GABRB1: variants seen among roughly 807,000 people sequenced by gnomAD.
The protein encoded by GABRB1 is gamma-aminobutyric acid receptor subunit beta-1.
In GABRB1, 17 loss-of-function variants were observed where a neutral mutation model predicts 51.6. That is an observed-to-expected ratio of 0.33 (90% CI 0.23 to 0.49). The LOEUF is 0.49. Among genes scored for constraint, GABRB1 ranks in the 20% least tolerant of loss-of-function variants. The pLI, the probability that GABRB1 is intolerant of heterozygous loss-of-function variation, is 0.99. For synonymous variants in GABRB1, 247 were observed against 218.9 expected, an observed-to-expected ratio of 1.13 and a Z score of -1.14; for missense variants, 410 against 600.6, an observed-to-expected ratio of 0.68 and a Z score of 3.32.
At chr4:47,077,979 A>ATATATATTATATATATATTTT (rs1560523738) in intron 3 of GABRB1, among the ~76,000 whole-genome samples, 1 of 37,876 alleles carries the variant, frequency 2.6e-5, no homozygotes, top group African/African-American at 1.3e-4. Flanking sequence ...TTTTATATAT[A>ATATATATTATATATATATTTT]ATATATAATA....
chr4:47,034,573 T>C (rs942295325), intron 3 of GABRB1, among the ~76,000 whole-genome samples: 2 of 152,140 alleles, frequency 1.3e-5, no homozygotes, highest in African/African-American at 4.8e-5. Context: ...GATTAGAAAA[T>C]AGAAACCACT....
intron 3 of GABRB1, among the ~76,000 whole-genome samples, chr4:47,129,195 C>A (rs1387385939): frequency 6.6e-6 from 1 of 151,998 alleles, no homozygotes; most frequent in Admixed American, 6.6e-5. Context: ...TAATATATTG[C>A]ACAATCTTTG....
intron 1 of GABRB1, among the ~76,000 whole-genome samples, chr4:47,017,916 T>C (rs935765543): frequency 1.1e-4 from 17 of 152,222 alleles, no homozygotes; most frequent in Admixed American, 7.9e-4. Context: ...TTTTCAGATT[T>C]GAATTATTGA....
chr4:47,250,191 A>G (rs1405998377), intron 4 of GABRB1, among the ~76,000 whole-genome samples: 1 of 152,066 alleles, frequency 6.6e-6, no homozygotes, highest in Non-Finnish European at 1.5e-5. Flanking sequence ...AAAAGATTGT[A>G]TCTTTCCTTC....
chr4:47,129,503 G>T (rs977193276), intron 3 of GABRB1, among the ~76,000 whole-genome samples: 1 of 152,182 alleles, frequency 6.6e-6, no homozygotes, highest in African/African-American at 2.4e-5. Flanking sequence ...GCCAGGCACT[G>T]TAGTTACCTA....
chr4:47,086,189 T>C (rs1221654802), intron 3 of GABRB1, among the ~76,000 whole-genome samples: 1 of 152,214 alleles, frequency 6.6e-6, no homozygotes, highest in Non-Finnish European at 1.5e-5. Flanking sequence ...GAAAATAGTA[T>C]GGAGAGTTTT....
chr4:47,272,556 A>AT (rs1722914493), intron 4 of GABRB1, among the ~76,000 whole-genome samples: 1 of 152,148 alleles, frequency 6.6e-6, no homozygotes, highest in African/African-American at 2.4e-5. Flanking sequence ...ATAACTGGTA[A>AT]TTACAGAAAT....
At chr4:47,108,751 G>C (rs757255403) in intron 3 of GABRB1, among the ~76,000 whole-genome samples, 2 of 151,972 alleles carry the variant, frequency 1.3e-5, no homozygotes, top group Non-Finnish European at 2.9e-5. Context: ...CTGCATCCTA[G>C]GTGTTACCTT....
intron 5 of GABRB1, among the ~76,000 whole-genome samples, chr4:47,367,512 C>G (rs1727020056): frequency 6.6e-6 from 1 of 152,082 alleles, no homozygotes; most frequent in Non-Finnish European, 1.5e-5. Flanking sequence ...TTCGACTACC[C>G]CAAAAAGAAA....
intron 5 of GABRB1, among the ~76,000 whole-genome samples, chr4:47,357,564 G>T (rs1726633153): frequency 6.6e-6 from 1 of 152,200 alleles, no homozygotes; most frequent in African/African-American, 2.4e-5. Flanking sequence ...CATTGCAAAT[G>T]TCAAATTGGA....
chr4:47,321,716 A>AT (rs1224649686), intron 5 of GABRB1, among the ~76,000 whole-genome samples: 5 of 152,208 alleles, frequency 3.3e-5, no homozygotes, highest in African/African-American at 1.2e-4. Context: ...AGGATAACTC[A>AT]TGGATTTCCC....
chr4:47,280,090 T>C (rs546830926), intron 4 of GABRB1, among the ~76,000 whole-genome samples: 5 of 152,218 alleles, frequency 3.3e-5, no homozygotes, highest in Admixed American at 2.0e-4. Flanking sequence ...CTTTCTTTCT[T>C]GATGTCTTCC....
At chr4:47,191,916 G>A (rs529140825) in intron 4 of GABRB1, among the ~76,000 whole-genome samples, 3 of 152,046 alleles carry the variant, frequency 2.0e-5, no homozygotes, top group South Asian at 2.1e-4. Context: ...ATTATCTCCC[G>A]CCCTCTGCAG....
chr4:47,277,832 A>C (rs1415281108), intron 4 of GABRB1, among the ~76,000 whole-genome samples: 9 of 152,062 alleles, frequency 5.9e-5, no homozygotes, highest in East Asian at 1.9e-4. Flanking sequence ...TATTTGATAC[A>C]TTACTTTAAA....
At chr4:47,073,794 T>C (rs1727439503) in intron 3 of GABRB1, among the ~76,000 whole-genome samples, 1 of 152,158 alleles carries the variant, frequency 6.6e-6, no homozygotes, top group Non-Finnish European at 1.5e-5. Context: ...GGAGGCCCTA[T>C]GCCACAGAGA....
chr4:47,041,475 G>A (rs189765594), intron 3 of GABRB1, among the ~76,000 whole-genome samples: 1 of 152,236 alleles, frequency 6.6e-6, no homozygotes, highest in Admixed American at 6.5e-5. Context: ...CTACTGAAAA[G>A]AGTATGGATG....
At chr4:47,193,791 A>G (rs1373907445) in intron 4 of GABRB1, among the ~76,000 whole-genome samples, 1 of 152,216 alleles carries the variant, frequency 6.6e-6, no homozygotes, top group Admixed American at 6.5e-5. Context: ...ATGGATTTAA[A>G]GGTAAATTAA....
chr4:47,083,611 C>T (rs765467098), intron 3 of GABRB1, among the ~76,000 whole-genome samples: 32 of 152,162 alleles, frequency 2.1e-4, no homozygotes, highest in Middle Eastern at 6.8e-3. Flanking sequence ...GGTAATATTC[C>T]CTGAGCTATT....
At chr4:47,249,174 C>A (rs1560297265) in intron 4 of GABRB1, among the ~76,000 whole-genome samples, 1 of 152,104 alleles carries the variant, frequency 6.6e-6, no homozygotes, top group East Asian at 1.9e-4. Context: ...TTAGTACCAC[C>A]TTTGCTGTAT....
Sources: allele counts gnomAD v4.1 joint callset (sites outside exome capture counted in the v4.1 genomes callset), GRCh38; gene constraint gnomAD v4.1.1; transcripts MANE v1.5; gene names NCBI Gene and HGNC (gene_info 2026-07-23, HGNC 2026-07-21).